The following VPS35L variants were observed in gnomAD, a reference collection of about 807,000 sequenced individuals.
The protein encoded by VPS35L is VPS35 endosomal protein sorting factor like.
Under a neutral mutation model 133.0 loss-of-function variants are expected in VPS35L, and 83 were observed. The ratio of observed to expected loss-of-function variants is 0.62; its 90% CI spans 0.52 to 0.75. The LOEUF (loss-of-function observed/expected upper bound fraction) is 0.75. Among genes scored for constraint, VPS35L ranks in the 30% least tolerant of loss-of-function variants. VPS35L has a pLI of 0.00. For missense variants in VPS35L, 1,083 were observed against 1,206.8 expected, an observed-to-expected ratio of 0.90 and a Z score of 1.52; for synonymous variants, 423 against 449.9, an observed-to-expected ratio of 0.94 and a Z score of 0.76.
At chr16:19,569,998 A>G (rs1971312421) in intron 3 of VPS35L, among the ~76,000 whole-genome samples, 1 of 152,346 alleles carries the variant, frequency 6.6e-6, no homozygotes, top group African/African-American at 2.4e-5. Flanking sequence ...TCATCCTGAC[A>G]TGAGAGGCTG....
At chr16:19,576,336 G>T (rs1971537669) in intron 5 of VPS35L, among the ~76,000 whole-genome samples, 1 of 151,986 alleles carries the variant, frequency 6.6e-6, no homozygotes, top group African/African-American at 2.4e-5. Flanking sequence ...GTGCAATAAG[G>T]TATGTTGGTG....
intron 9 of VPS35L, 88 bp from the exon 10 acceptor site, chr16:19,608,090 C>A: frequency 1.1e-6 from 1 of 931,342 alleles, no homozygotes; most frequent in Non-Finnish European, 1.7e-6. Flanking sequence ...ACCCCCTTTT[C>A]TGCTCCAGGG....
chr16:19,692,119 G>A (rs1045050861), intron 29 of VPS35L, among the ~76,000 whole-genome samples: 20 of 151,870 alleles, frequency 1.3e-4, no homozygotes, highest in Admixed American at 7.9e-4. Context: ...CCTGTGATCC[G>A]CCTACCTCGG....
intron 26 of VPS35L, among the ~76,000 whole-genome samples, chr16:19,661,697 G>A (rs1280920658): frequency 6.6e-6 from 1 of 152,206 alleles, no homozygotes; most frequent in Non-Finnish European, 1.5e-5. Context: ...TCACGGTGCA[G>A]TGCAGAACAG....
chr16:19,675,438 G>T (rs946322682), intron 27 of VPS35L, among the ~76,000 whole-genome samples: 1 of 152,178 alleles, frequency 6.6e-6, no homozygotes, highest in Non-Finnish European at 1.5e-5. Context: ...GAGCATGGGA[G>T]TGTAGGTATC....
chr16:19,647,866 T>C lies in VPS35L; in HGVS notation c.2012T>C (p.Leu671Pro), dbSNP rs1974002122. The C allele has an allele frequency of 6.2e-7, 1 of 1,613,032 alleles. No individual in the cohort carries two copies. The highest frequency in any genetic ancestry group is 1.1e-5 in the South Asian group (1 of 91,064). The stretch of plus-strand genomic sequence containing the variant: ...ATGTTTTGCAATCTGGAGCCTGTTC[T>C]TGTGCAGTTGATTCATGTAAGTATT... ...RSMFCNLEPVLVQLIHSVNRL... is the reference protein window; with the variant it reads ...RSMFCNLEPVPVQLIHSVNRL... The change falls in exon 24 of 31, where the codon CTT (leucine) becomes CCT (proline). Residue 671 changes from leucine (L) to proline (P), a missense_variant. Physicochemically the swap from Leu to Pro is moderately conservative, Grantham distance 98. Coordinates refer to ENST00000417362, the MANE Select transcript of VPS35L (RefSeq NM_020314.7).
intron 9 of VPS35L, among the ~76,000 whole-genome samples, chr16:19,607,590 C>A (rs1972573093): frequency 6.6e-6 from 1 of 152,216 alleles, no homozygotes; most frequent in Non-Finnish European, 1.5e-5. Flanking sequence ...CGTGAGCCGG[C>A]AACATAATTC....
chr16:19,663,751 G>A lies in VPS35L; in HGVS notation c.2222-5409G>A, dbSNP rs1042902179. ...TTTTTCTTCAAATGATCTTAGAGTTGATATAAAGATATCTTCATCCAACAG... is the reference window on the plus strand; with the variant it reads ...TTTTTCTTCAAATGATCTTAGAGTTAATATAAAGATATCTTCATCCAACAG... On this transcript the variant is annotated intron_variant, in intron 26 of 30. Transcript: ENST00000417362. Among the ~76,000 whole-genome samples the A allele has an allele frequency of 2.5e-5, 3 of 120,552 alleles. No homozygotes were observed. In the Admixed American group the frequency reaches 3.2e-4, roughly 13 times the overall value. The allele number at this position is 120,552 out of a possible 152,430, so 79.1% of individuals were successfully genotyped here.
Position 19,589,393 on chromosome 16 carries a change from A to C in VPS35L, c.640-2397A>C, listed in dbSNP as rs145410316. ...TGAGTAGTTAGGGCTACAGGCACAC[A>C]CCACCATGCCTGGATAATTTTTGTA... is the stretch of plus-strand genomic sequence containing the variant. On this transcript the variant is annotated intron_variant, in intron 7 of 30. Coordinates refer to ENST00000417362, the MANE Select transcript of VPS35L (RefSeq NM_020314.7). Among the ~76,000 whole-genome samples, 863 of 152,176 alleles carry C rather than the reference A, an allele frequency of 5.7e-3. 9 individuals carry two copies. The highest frequency in any genetic ancestry group is 0.02 in the African/African-American group (831 of 41,524).
At position 19,555,717 on chromosome 16, in the gene VPS35L, T is replaced by G. The variant is rs759110253; in HGVS notation, c.-13T>G. 4 of 1,602,038 alleles carry G rather than the reference T, an allele frequency of 2.5e-6. No homozygotes were observed. Among genetic ancestry groups the G allele is most frequent in the South Asian group, 2.2e-5 (2 of 89,832 alleles). Reference sequence around the variant, plus strand: ...CAGACGGCCCCAGAACAAGCGGTCATGTGACTGGGAAGATGGCCGTCTTTC... The same window carrying G: ...CAGACGGCCCCAGAACAAGCGGTCAGGTGACTGGGAAGATGGCCGTCTTTC... On this transcript the variant is annotated 5_prime_UTR_variant, in exon 1 of 31. An upstream start codon of the reference 5' UTR is lost. Transcript: ENST00000417362.
chr16:19,666,975 CCTTTCTTT>C (rs1190339337), intron 26 of VPS35L, among the ~76,000 whole-genome samples: 5 of 76,662 alleles, frequency 6.5e-5, no homozygotes, highest in African/African-American at 2.1e-4. Context: ...TTCCTTTCTT[CCTTTCTTT>C]CTTTCTTTCT....
At chr16:19,624,457 C>T (rs1973195870) in intron 14 of VPS35L, among the ~76,000 whole-genome samples, 1 of 151,898 alleles carries the variant, frequency 6.6e-6, no homozygotes, top group Non-Finnish European at 1.5e-5. Flanking sequence ...TGATGGCACA[C>T]ACCTATAGTC....
chr16:19,698,173 T>C (rs1975981976), intron 29 of VPS35L, among the ~76,000 whole-genome samples: 1 of 152,194 alleles, frequency 6.6e-6, no homozygotes, highest in Non-Finnish European at 1.5e-5. Flanking sequence ...TACTTCCTTG[T>C]TCCTTCAGGG....
chr16:19,691,287 T>G, intron 28 of VPS35L, 66 bp from the exon 29 acceptor site: 1 of 1,289,334 alleles, frequency 7.8e-7, no homozygotes. Flanking sequence ...GACACACGGC[T>G]GCCTCTCCCT....
At chr16:19,691,254 C>A in intron 28 of VPS35L, 99 bp from the exon 29 acceptor site, 2 of 921,316 alleles carry the variant, frequency 2.2e-6, no homozygotes, top group Non-Finnish European at 3.5e-6. Context: ...GACTTCCTGC[C>A]ATCTGCTGAC....
chr16:19,571,611 C>T (rs1294598811), intron 3 of VPS35L, among the ~76,000 whole-genome samples: 1 of 152,004 alleles, frequency 6.6e-6, no homozygotes, highest in Non-Finnish European at 1.5e-5. Flanking sequence ...GTGGCGCGAT[C>T]TTGGCTCACT....
intron 25 of VPS35L, among the ~76,000 whole-genome samples, chr16:19,651,414 A>G (rs1253367982): frequency 3.9e-5 from 6 of 152,030 alleles, no homozygotes; most frequent in African/African-American, 1.2e-4. Context: ...TAGGTTGCCC[A>G]GGCTGGTCTT....
At chr16:19,686,193 C>T (rs1597436366) in intron 28 of VPS35L, among the ~76,000 whole-genome samples, 1 of 152,156 alleles carries the variant, frequency 6.6e-6, no homozygotes, top group African/African-American at 2.4e-5. Context: ...GTTGTGGGGG[C>T]TCCTTTTTCC....
At chr16:19,692,228 C>G (rs1022955818) in intron 29 of VPS35L, among the ~76,000 whole-genome samples, 1 of 152,070 alleles carries the variant, frequency 6.6e-6, no homozygotes, top group Non-Finnish European at 1.5e-5. Context: ...AAGACAGGGA[C>G]TCTGGGACAC....
Sources: allele counts gnomAD v4.1 joint callset (sites outside exome capture counted in the v4.1 genomes callset), GRCh38; gene constraint gnomAD v4.1.1; transcripts MANE v1.5; gene names NCBI Gene and HGNC (gene_info 2026-07-23, HGNC 2026-07-21).